The following EXD3 variants were observed in gnomAD, a reference collection of about 807,000 sequenced individuals.
EXD3 encodes the protein exonuclease mut-7 homolog.
A neutral mutation model predicts 98.0 loss-of-function variants in EXD3; 92 were observed. The observed-to-expected ratio is 0.94, with a 90% confidence interval of 0.79 to 1.12. The LOEUF is 1.12. Among genes scored for constraint, EXD3 ranks in the 50% most tolerant of loss-of-function variants. EXD3 has a pLI of 0.00. For missense variants in EXD3, 1,222 were observed against 1,191.6 expected (o/e 1.03, Z -0.38); for synonymous variants, 569 against 526.0 (o/e 1.08, Z -1.12).
chr9:137,351,527 C>T lies in EXD3; in HGVS notation c.1175G>A (p.Cys392Tyr). Residue 392 changes from cysteine to tyrosine, a missense_variant and splice_region_variant, in exon 13 of 22, where the codon TGC becomes TAC. Cys to Tyr is a radical substitution (Grantham distance 194). Coordinates refer to ENST00000340951, the MANE Select transcript of EXD3 (RefSeq NM_017820.5). The stretch of plus-strand genomic sequence containing the variant: ...CACGTCTACACCAACCACTTGGTGG[C>T]ACTGCGGGCAGAGAGGGGCAGATGT... ...LTRHEGALLQ[C>Y]HQVVGVDVEW... 4 of 1,582,018 alleles carry T rather than the reference C, an allele frequency of 2.5e-6. No homozygotes were observed. Among genetic ancestry groups the T allele is most frequent in the Non-Finnish European group, 3.4e-6 (4 of 1,165,544 alleles).
intron 1 of EXD3, among the ~76,000 whole-genome samples, chr9:137,421,793 G>A (rs1046681727): frequency 2.6e-5 from 4 of 152,168 alleles, no homozygotes; most frequent in Non-Finnish European, 5.9e-5. Context: ...AGTGGGAATC[G>A]TGCCTCTGCA....
chr9:137,310,318 A>G (rs1831293310), intron 19 of EXD3, among the ~76,000 whole-genome samples: 1 of 152,120 alleles, frequency 6.6e-6, no homozygotes, highest in Non-Finnish European at 1.5e-5. Flanking sequence ...ATCACAGCTC[A>G]CTGCAGCCTG....
intron 2 of EXD3, among the ~76,000 whole-genome samples, chr9:137,389,646 G>A (rs1196001415): frequency 6.6e-6 from 1 of 152,058 alleles, no homozygotes; most frequent in African/African-American, 2.4e-5. Flanking sequence ...GACGCTCGGA[G>A]CGAGAGGGAC....
intron 17 of EXD3, among the ~76,000 whole-genome samples, chr9:137,346,382 C>G (rs557970053): frequency 1.9e-4 from 29 of 151,988 alleles, no homozygotes; most frequent in Non-Finnish European, 4.1e-4. Flanking sequence ...GGATTCCGCC[C>G]TCTCCATGAA....
intron 19 of EXD3, among the ~76,000 whole-genome samples, chr9:137,321,062 C>T (rs1306337569): frequency 1.3e-5 from 2 of 152,206 alleles, no homozygotes; most frequent in African/African-American, 4.8e-5. Flanking sequence ...TCAGACTGCA[C>T]CCCCAGGCCA....
At chr9:137,314,588 C>A (rs1422774601) in intron 19 of EXD3, among the ~76,000 whole-genome samples, 1 of 152,104 alleles carries the variant, frequency 6.6e-6, no homozygotes, top group Non-Finnish European at 1.5e-5. Context: ...AGAGGCCTCG[C>A]CCCTGCCCCC....
intron 1 of EXD3, among the ~76,000 whole-genome samples, chr9:137,416,942 T>C (rs977389099): frequency 2.6e-5 from 4 of 152,026 alleles, no homozygotes; most frequent in African/African-American, 9.7e-5. Flanking sequence ...CCCCGACACC[T>C]CCCCGTTTCC....
chr9:137,417,414 C>T (rs1450953490), intron 1 of EXD3, among the ~76,000 whole-genome samples: 1 of 152,198 alleles, frequency 6.6e-6, no homozygotes. Context: ...ACGGGTTCCG[C>T]GGCGCGGAGG....
intron 3 of EXD3, among the ~76,000 whole-genome samples, chr9:137,380,236 T>A (rs1836161813): frequency 2.0e-5 from 3 of 150,540 alleles, no homozygotes; most frequent in Non-Finnish European, 4.4e-5. Context: ...CCTGGTCCCC[T>A]CAGCTACAAA....
rs140109554 is a variant in EXD3, at chr9:137,316,808, G to A, written c.2184+6917C>T. Among the ~76,000 whole-genome samples, 1,271 of 152,296 alleles carry A rather than the reference G, an allele frequency of 8.3e-3. 8 individuals carry two copies. Among genetic ancestry groups the A allele is most frequent in the Non-Finnish European group, 0.014 (934 of 68,002 alleles). On this transcript the variant is annotated intron_variant, in intron 19 of 21. Transcript: ENST00000340951. ...GGAGCCGCGTGGGCTGCTGGAGCCT[G>A]GGAGCCCCGCCCCGCACAGGGGCCT...
intron 17 of EXD3, among the ~76,000 whole-genome samples, chr9:137,339,535 G>A (rs73581536): frequency 8.3e-4 from 123 of 148,916 alleles, no homozygotes; most frequent in African/African-American, 2.8e-3. Flanking sequence ...ACCAAAGTCC[G>A]CAATGTATTA....
chr9:137,374,411 G>A (rs1205489639), intron 3 of EXD3: 11 of 331,450 alleles, frequency 3.3e-5, no homozygotes, highest in Middle Eastern at 1.5e-3. Flanking sequence ...GCTGCAAGCC[G>A]AGAGCGTGGG....
chr9:137,364,770 G>T (rs1351571855), intron 7 of EXD3, among the ~76,000 whole-genome samples: 13 of 132,114 alleles, frequency 9.8e-5, no homozygotes, highest in South Asian at 2.4e-4. Context: ...TTTGTTCTAT[G>T]TTTTTTTTTT....
At chr9:137,391,442 C>T (rs1024867714) in intron 2 of EXD3, among the ~76,000 whole-genome samples, 3 of 152,220 alleles carry the variant, frequency 2.0e-5, no homozygotes, top group Non-Finnish European at 2.9e-5. Flanking sequence ...GCAGCCTCAG[C>T]CTTGGAGGCT....
intron 2 of EXD3, among the ~76,000 whole-genome samples, chr9:137,394,903 C>T (rs993382439): frequency 2.0e-3 from 306 of 152,258 alleles, no homozygotes; most frequent in African/African-American, 7.1e-3. Context: ...GTTCCCTGAG[C>T]CCCCAGTGGC....
intron 2 of EXD3, among the ~76,000 whole-genome samples, chr9:137,394,741 G>A (rs1837122045): frequency 6.6e-6 from 1 of 152,212 alleles, no homozygotes; most frequent in South Asian, 2.1e-4. Flanking sequence ...TGCCCACAGG[G>A]AAGGTGCCTC....
chr9:137,354,375 C>G lies in EXD3; in HGVS notation c.834G>C (p.Lys278Asn). ...CGGTCCAGTTCTCCTGTGACAGGCT[C>G]TTCTGCAAAGGCAAACAGGAAGGGG... Reference protein sequence around the residue: ...RHLCHKRFVEKSLSQENWTDH... With the variant: ...RHLCHKRFVENSLSQENWTDH... The change falls in exon 10 of 22, where the codon AAG (lysine) becomes AAC (asparagine). Residue 278 changes from lysine to asparagine, a missense_variant and splice_region_variant. By Grantham distance (94) the Lys-to-Asn change is moderately conservative (BLOSUM62 0). Coordinates refer to ENST00000340951, the MANE Select transcript of EXD3 (RefSeq NM_017820.5). The G allele has an allele frequency of 6.2e-7, 1 of 1,612,482 alleles. No individual in the cohort carries two copies. The highest frequency in any genetic ancestry group is 8.5e-7 in the Non-Finnish European group (1 of 1,179,748).
chr9:137,366,737 C>A, intron 6 of EXD3, 105 bp from the exon 7 acceptor site: 1 of 1,407,336 alleles, frequency 7.1e-7, no homozygotes, highest in Non-Finnish European at 9.5e-7. Flanking sequence ...CGAAAGGGGC[C>A]CAGAGGCCGT....
chr9:137,325,101 T>C (rs1203361506), intron 17 of EXD3, among the ~76,000 whole-genome samples: 1 of 152,224 alleles, frequency 6.6e-6, no homozygotes, highest in Admixed American at 6.5e-5. Context: ...TTCCACACAG[T>C]CCACTGCAAA....
Sources: allele counts gnomAD v4.1 joint callset (sites outside exome capture counted in the v4.1 genomes callset), GRCh38; gene constraint gnomAD v4.1.1; transcripts MANE v1.5; gene names NCBI Gene and HGNC (gene_info 2026-07-23, HGNC 2026-07-21).